SMIM36: variants seen among roughly 807,000 people sequenced by gnomAD.
SMIM36 encodes small integral membrane protein 36.
chr17:55,495,604 A>G (rs796580085), intron 1 of SMIM36, among the ~76,000 whole-genome samples: 11 of 151,612 alleles, frequency 7.3e-5, no homozygotes, highest in African/African-American at 2.7e-4. Context: ...CCTGGGCAAC[A>G]TAGTGAGAAC....
At chr17:55,511,997 T>C, upstream of SMIM36, among the ~76,000 whole-genome samples, 1 of 152,168 alleles carries the variant, frequency 6.6e-6, no homozygotes, top group Non-Finnish European at 1.5e-5. Context: ...GAGAAGCAGG[T>C]AGTCTAGCAG....
At chr17:55,458,098 G>A (rs983396532) in intron 4 of SMIM36, 5 of 152,108 alleles carry the variant, frequency 3.3e-5, no homozygotes, top group Admixed American at 3.3e-4. Flanking sequence ...TACTTAGTTT[G>A]GGGGTATAAA....
At chr17:55,502,307 C>T (rs1910006869) in intron 1 of SMIM36, among the ~76,000 whole-genome samples, 1 of 138,236 alleles carries the variant, frequency 7.2e-6, no homozygotes, top group Non-Finnish European at 1.5e-5. Context: ...GTAACCTCTG[C>T]AGACTTAAAT....
At chr17:55,452,693 G>T (rs912719372) in intron 4 of SMIM36, among the ~76,000 whole-genome samples, 2 of 152,276 alleles carry the variant, frequency 1.3e-5, no homozygotes, top group Non-Finnish European at 2.9e-5. Context: ...CTGTCTCTGG[G>T]TGACCTGAGA....
intron 1 of SMIM36, among the ~76,000 whole-genome samples, chr17:55,488,645 T>G (rs1241149278): frequency 6.6e-6 from 1 of 152,266 alleles, no homozygotes. Flanking sequence ...ATTGTAAAGA[T>G]GCACCATATG....
At chr17:55,508,877 C>T (rs1001396818) in intron 1 of SMIM36, among the ~76,000 whole-genome samples, 2 of 140,054 alleles carry the variant, frequency 1.4e-5, no homozygotes, top group Non-Finnish European at 1.5e-5. Context: ...GAGCCGAGAT[C>T]GTGCCATTGC....
chr17:55,499,680 T>C (rs979106607), intron 1 of SMIM36, among the ~76,000 whole-genome samples: 1 of 152,148 alleles, frequency 6.6e-6, no homozygotes, highest in African/African-American at 2.4e-5. Context: ...ATGTGCATGA[T>C]AGAAGAGTAA....
rs980397990 is a variant in SMIM36, at chr17:55,496,753, G to T, written c.*174+14126C>A. Among the ~76,000 whole-genome samples the T allele has an allele frequency of 4.6e-5, 7 of 152,280 alleles. No homozygotes were observed. In the East Asian group the frequency reaches 1.4e-3, roughly 29 times the overall value. ...TGGCAGGGAGAGACAGATCTCAAAAGTGTGACTTTTCTGCACCCACCTTGC... is the reference window on the plus strand; with the variant it reads ...TGGCAGGGAGAGACAGATCTCAAAATTGTGACTTTTCTGCACCCACCTTGC... On this transcript the variant is annotated intron_variant, in intron 1 of 4. Coordinates refer to ENST00000636752, the Ensembl canonical transcript of SMIM36.
intron 4 of SMIM36, among the ~76,000 whole-genome samples, chr17:55,466,272 C>CG (rs1243089702): frequency 1.9e-5 from 2 of 107,488 alleles, no homozygotes; most frequent in Non-Finnish European, 3.5e-5. Flanking sequence ...ATCAAGACTC[C>CG]GTCTCAAAAA....
At chr17:55,523,289 T>C in the SMIM36 span, among the ~76,000 whole-genome samples, 1 of 152,094 alleles carries the variant, frequency 6.6e-6, no homozygotes, top group Non-Finnish European at 1.5e-5. Context: ...CCCAGTACTT[T>C]GGGAGGCTGA....
the SMIM36 span, among the ~76,000 whole-genome samples, chr17:55,531,946 A>G: frequency 6.6e-6 from 1 of 152,238 alleles, no homozygotes; most frequent in Non-Finnish European, 1.5e-5. Flanking sequence ...TTGTGTAGGA[A>G]TACATATGTC....
chr17:55,456,073 G>A (rs530901141), intron 4 of SMIM36, among the ~76,000 whole-genome samples: 7 of 115,316 alleles, frequency 6.1e-5, no homozygotes, highest in African/African-American at 2.4e-4. Flanking sequence ...AGCCAAGACC[G>A]CACCATTGCA....
chr17:55,513,396 T>C (rs923075645), upstream of SMIM36, among the ~76,000 whole-genome samples: 1 of 152,188 alleles, frequency 6.6e-6, no homozygotes, highest in Non-Finnish European at 1.5e-5. Flanking sequence ...AGAGAATTAA[T>C]TTTGTGCTTG....
At chr17:55,494,703 C>T (rs139239827) in intron 1 of SMIM36, among the ~76,000 whole-genome samples, 4 of 152,268 alleles carry the variant, frequency 2.6e-5, no homozygotes, top group African/African-American at 7.2e-5. Context: ...CATACACACT[C>T]ACACGAGTGC....
chr17:55,463,441 A>C (rs1909179989), intron 4 of SMIM36, among the ~76,000 whole-genome samples: 1 of 152,144 alleles, frequency 6.6e-6, no homozygotes, highest in African/African-American at 2.4e-5. Flanking sequence ...CCTGTAACTC[A>C]GTTACTTGGC....
intron 1 of SMIM36, among the ~76,000 whole-genome samples, chr17:55,509,832 C>A (rs998107): frequency 0.51 from 77,847 of 151,826 alleles, 20,408 homozygotes; most frequent in African/African-American, 0.61. Flanking sequence ...AAAAACATAC[C>A]ATTCAACATC....
intron 1 of SMIM36, among the ~76,000 whole-genome samples, chr17:55,500,970 A>T (rs796786291): frequency 5.8e-5 from 1 of 17,130 alleles, no homozygotes; most frequent in Non-Finnish European, 8.2e-5. Flanking sequence ...TTTATAATAT[A>T]TATTATAATA....
At chr17:55,468,544 T>A (rs1184876533) in intron 3 of SMIM36, 1 of 152,938 alleles carries the variant, frequency 6.5e-6, no homozygotes, top group Non-Finnish European at 1.5e-5. Context: ...TTCACTGGTG[T>A]CTGATCACCG....
the SMIM36 span, chr17:55,527,012 G>A: frequency 1.3e-5 from 2 of 152,046 alleles, no homozygotes; most frequent in Admixed American, 6.6e-5. Context: ...AAATTACTTC[G>A]GAAGAAGATA....
Sources: gnomAD v4.1 joint callset for allele counts (sites outside exome capture counted in the v4.1 genomes callset) on GRCh38, gnomAD v4.1.1 for gene constraint, MANE v1.5 for transcripts, NCBI Gene and HGNC (gene_info 2026-07-23, HGNC 2026-07-21) for gene names.